Variants in TBC1D19 observed in about 807,000 individuals in gnomAD.
TBC1D19 encodes the protein TBC1 domain family, member 19.
Under a neutral mutation model 89.0 loss-of-function variants are expected in TBC1D19, and 60 were observed. The observed-to-expected ratio is 0.67, with a 90% CI of 0.55 to 0.84. The LOEUF is 0.84. TBC1D19 is among the 40% of genes least tolerant of loss of function. TBC1D19 has a pLI of 0.00. For missense variants in TBC1D19, 500 were observed against 610.8 expected, an observed-to-expected ratio of 0.82 and a Z score of 1.91; for synonymous variants, 189 against 199.7, an observed-to-expected ratio of 0.95 and a Z score of 0.45.
chr4:26,668,970 A>G (rs1712046254), intron 9 of TBC1D19, among the ~76,000 whole-genome samples: 1 of 131,102 alleles, frequency 7.6e-6, no homozygotes, highest in African/African-American at 2.8e-5. Flanking sequence ...CATGCATTGC[A>G]TTTATTTTAA....
At chr4:26,785,406 G>A in the TBC1D19 span, among the ~76,000 whole-genome samples, 1 of 152,288 alleles carries the variant, frequency 6.6e-6, no homozygotes, top group African/African-American at 2.4e-5. Context: ...GCGTTGTTTT[G>A]GCAGGATGAA....
the TBC1D19 span, among the ~76,000 whole-genome samples, chr4:26,842,618 T>TTCTTTCTTTCTTTC: frequency 6.9e-6 from 1 of 145,408 alleles, no homozygotes; most frequent in Admixed American, 7.0e-5. Context: ...CTTTCTTTCT[T>TTCTTTCTTTCTTTC]TCTTTCTTTC....
chr4:26,617,388 A>G (rs1741761836), intron 3 of TBC1D19, among the ~76,000 whole-genome samples: 1 of 152,264 alleles, frequency 6.6e-6, no homozygotes, highest in African/African-American at 2.4e-5. Context: ...TGAAGATCAT[A>G]TAGCTAGCAA....
intron 6 of TBC1D19, among the ~76,000 whole-genome samples, chr4:26,639,483 G>A (rs1263028581): frequency 3.9e-5 from 6 of 151,984 alleles, no homozygotes; most frequent in Non-Finnish European, 7.4e-5. Flanking sequence ...ATTATATTGG[G>A]TTGTTAAAAA....
At chr4:26,580,839 G>A (rs745750985), upstream of TBC1D19, among the ~76,000 whole-genome samples, 5 of 152,148 alleles carry the variant, frequency 3.3e-5, no homozygotes, top group East Asian at 3.9e-4. Flanking sequence ...TTTTTAATGC[G>A]TTCCACAACC....
intron 12 of TBC1D19, among the ~76,000 whole-genome samples, chr4:26,685,215 G>A (rs1713705682): frequency 1.3e-5 from 2 of 152,238 alleles, no homozygotes; most frequent in African/African-American, 2.4e-5. Context: ...CTGTTAAGGT[G>A]TGCACAAGAG....
intron 17 of TBC1D19, among the ~76,000 whole-genome samples, chr4:26,741,248 C>T (rs1037625038): frequency 6.7e-5 from 10 of 149,542 alleles, no homozygotes; most frequent in Admixed American, 1.3e-4. Flanking sequence ...CCCAGCTACT[C>T]GGGAGGCTGA....
At chr4:26,809,731 C>T in the TBC1D19 span, among the ~76,000 whole-genome samples, 2 of 152,170 alleles carry the variant, frequency 1.3e-5, no homozygotes, top group African/African-American at 2.4e-5. Flanking sequence ...GTGAGAAGGC[C>T]GGGTTCCCTC....
intron 11 of TBC1D19, among the ~76,000 whole-genome samples, chr4:26,677,559 G>T (rs1712944093): frequency 6.6e-6 from 1 of 152,104 alleles, no homozygotes; most frequent in Admixed American, 6.5e-5. Flanking sequence ...CTGACCTCAT[G>T]ATCCGCCTGC....
At position 26,614,405 on chromosome 4, in the gene TBC1D19, C is replaced by T. The variant is rs777156006; in HGVS notation, c.173-3C>T. 3.1e-5 allele frequency: 49 copies of T among 1,581,494 alleles called. No individual in the cohort carries two copies. The highest frequency in any genetic ancestry group is 4.0e-5 in the Non-Finnish European group (47 of 1,164,352). On this transcript the variant is annotated splice_region_variant and splice_polypyrimidine_tract_variant and intron_variant, in intron 2 of 20. Transcript: ENST00000264866. ...TATATTTTATTCTTTTTTTAAAAAA[C>T]AGGTTGGGAGAAGAAACTTCAGAAT... is the stretch of plus-strand genomic sequence containing the variant.
At chr4:26,612,529 G>C (rs796848004) in intron 1 of TBC1D19, among the ~76,000 whole-genome samples, 9 of 152,092 alleles carry the variant, frequency 5.9e-5, no homozygotes, top group African/African-American at 2.2e-4. Context: ...GCTAGAATTT[G>C]ACAGAGCTAG....
chr4:26,817,745 A>G, the TBC1D19 span, among the ~76,000 whole-genome samples: 3 of 151,970 alleles, frequency 2.0e-5, no homozygotes, highest in Admixed American at 6.6e-5. Context: ...AGGTGGGCGG[A>G]TCACCTGAGG....
intron 4 of TBC1D19, among the ~76,000 whole-genome samples, chr4:26,629,306 A>G (rs1222045734): frequency 1.3e-5 from 2 of 151,998 alleles, no homozygotes; most frequent in Non-Finnish European, 2.9e-5. Context: ...CCCAGATCTC[A>G]GATACTCAGG....
At chr4:26,612,645 T>C (rs184132368) in intron 1 of TBC1D19, among the ~76,000 whole-genome samples, 36 of 152,198 alleles carry the variant, frequency 2.4e-4, no homozygotes, top group African/African-American at 8.7e-4. Context: ...ATAGGAAACA[T>C]GCACTTGAAG....
chr4:26,823,240 C>A, the TBC1D19 span, among the ~76,000 whole-genome samples: 1 of 152,114 alleles, frequency 6.6e-6, no homozygotes, highest in African/African-American at 2.4e-5. Flanking sequence ...TTCACTATTG[C>A]AAGAACAGCG....
At chr4:26,806,527 T>C in the TBC1D19 span, among the ~76,000 whole-genome samples, 3 of 152,202 alleles carry the variant, frequency 2.0e-5, no homozygotes, top group Non-Finnish European at 4.4e-5. Context: ...AACTGTCAGA[T>C]TGTGGGGTCT....
At chr4:26,663,893 C>G (rs1435627547) in intron 8 of TBC1D19, among the ~76,000 whole-genome samples, 2 of 152,154 alleles carry the variant, frequency 1.3e-5, no homozygotes, top group Non-Finnish European at 2.9e-5. Flanking sequence ...TAGACTCATA[C>G]ATATTAAACA....
intron 9 of TBC1D19, among the ~76,000 whole-genome samples, chr4:26,671,260 T>A (rs1056626748): frequency 1.3e-5 from 2 of 151,806 alleles, no homozygotes; most frequent in Non-Finnish European, 3.0e-5. Context: ...TCATAGTGGT[T>A]TTAATTGCAT....
At chr4:26,809,354 T>C in the TBC1D19 span, among the ~76,000 whole-genome samples, 1 of 152,192 alleles carries the variant, frequency 6.6e-6, no homozygotes, top group Non-Finnish European at 1.5e-5. Flanking sequence ...GGGGACACTG[T>C]TTCTGCCTTC....
Sources: allele counts gnomAD v4.1 joint callset (sites outside exome capture counted in the v4.1 genomes callset), GRCh38; gene constraint gnomAD v4.1.1; transcripts MANE v1.5; gene names NCBI Gene and HGNC (gene_info 2026-07-23, HGNC 2026-07-21).